The following PTPRT variants were observed in gnomAD, a reference collection of about 807,000 sequenced individuals.
The protein encoded by PTPRT is protein tyrosine phosphatase receptor type T.
Under a neutral mutation model 176.8 loss-of-function variants are expected in PTPRT, and 56 were observed. The ratio of observed to expected loss-of-function variants is 0.32; its 90% CI spans 0.26 to 0.40. PTPRT has a LOEUF of 0.40. Ranked by LOEUF, PTPRT falls within the 10% of genes least tolerant of loss-of-function variation. The probability of loss-of-function intolerance (pLI) is 1.00; values close to 1 mark genes in which losing one functional copy is unlikely to be tolerated. For synonymous variants in PTPRT, 783 were observed against 739.0 expected (o/e 1.06, Z -0.96); for missense variants, 1,540 against 1,908.2 (o/e 0.81, Z 3.60).
intron 1 of PTPRT, among the ~76,000 whole-genome samples, chr20:43,127,106 C>T (rs1252160900): frequency 6.6e-6 from 1 of 151,932 alleles, no homozygotes; most frequent in Non-Finnish European, 1.5e-5. Flanking sequence ...CCTCCTAATC[C>T]CTAAACAAGA....
chr20:42,468,948 C>T (rs1208070090), intron 8 of PTPRT, among the ~76,000 whole-genome samples: 1 of 152,176 alleles, frequency 6.6e-6, no homozygotes, highest in Non-Finnish European at 1.5e-5. Flanking sequence ...TTTTGAGCAT[C>T]TACAGTGTAT....
At chr20:42,694,882 T>G (rs1160021181) in intron 6 of PTPRT, among the ~76,000 whole-genome samples, 1 of 152,194 alleles carries the variant, frequency 6.6e-6, no homozygotes, top group African/African-American at 2.4e-5. Context: ...ATGTCTACTG[T>G]GGCTACAGTC....
At chr20:42,350,773 C>T in intron 10 of PTPRT, 43 bp from the exon 11 acceptor site, 12 of 1,441,828 alleles carry the variant, frequency 8.3e-6, no homozygotes, top group Non-Finnish European at 1.2e-5. Context: ...AGCACAGATT[C>T]CCAACTGGCT....
intron 1 of PTPRT, among the ~76,000 whole-genome samples, chr20:43,111,375 T>TAA (rs922437930): frequency 6.9e-6 from 1 of 144,476 alleles, no homozygotes; most frequent in Non-Finnish European, 1.5e-5. Context: ...CCGTCTCTGC[T>TAA]AAAAAAAAAA....
intron 16 of PTPRT, among the ~76,000 whole-genome samples, chr20:42,195,384 C>A (rs1991173175): frequency 6.6e-6 from 1 of 152,226 alleles, no homozygotes; most frequent in Admixed American, 6.5e-5. Flanking sequence ...GCCAGACAGT[C>A]ACTTCCCTAA....
At chr20:42,221,156 A>G (rs1275888439) in intron 15 of PTPRT, among the ~76,000 whole-genome samples, 3 of 152,164 alleles carry the variant, frequency 2.0e-5, no homozygotes, top group Non-Finnish European at 2.9e-5. Flanking sequence ...GGCATGCACC[A>G]TCACACCCAG....
At chr20:42,491,118 A>T (rs2071555563) in intron 7 of PTPRT, among the ~76,000 whole-genome samples, 1 of 152,132 alleles carries the variant, frequency 6.6e-6, no homozygotes, top group African/African-American at 2.4e-5. Flanking sequence ...AGCCCCATAT[A>T]ATTATTATTT....
At chr20:42,973,853 C>T (rs1185301949) in intron 1 of PTPRT, among the ~76,000 whole-genome samples, 1 of 152,172 alleles carries the variant, frequency 6.6e-6, no homozygotes, top group African/African-American at 2.4e-5. Flanking sequence ...TTTACCAGTA[C>T]TCCATTTATT....
chr20:43,074,219 A>G (rs537319571), intron 1 of PTPRT, among the ~76,000 whole-genome samples: 1 of 152,346 alleles, frequency 6.6e-6, no homozygotes, highest in East Asian at 1.9e-4. Context: ...TAATTGACTT[A>G]ACCAATTCTT....
chr20:43,084,779 A>G (rs2011560562), intron 1 of PTPRT, among the ~76,000 whole-genome samples: 1 of 152,252 alleles, frequency 6.6e-6, no homozygotes, highest in Non-Finnish European at 1.5e-5. Flanking sequence ...CCATATCTTA[A>G]GGGAGAAAAA....
rs6030683 is a variant in PTPRT at position 43,184,508 on chromosome 20, G to A, written c.88+5138C>T. 6.3e-3 allele frequency among the ~76,000 whole-genome samples: 952 copies of A among 152,244 alleles called. 14 individuals carry two copies. The highest frequency in any genetic ancestry group is 0.021 in the African/African-American group (886 of 41,536). ...TTGAGACCATCCTGGCTAACACGGT[G>A]AAACTCTGTCTCTACTAAAAATACA... On this transcript the variant is annotated intron_variant, in intron 1 of 30. Coordinates refer to ENST00000373187, the MANE Select transcript of PTPRT (RefSeq NM_007050.6).
intron 12 of PTPRT, among the ~76,000 whole-genome samples, chr20:42,310,688 C>T (rs1426605310): frequency 1.3e-5 from 2 of 152,082 alleles, no homozygotes; most frequent in African/African-American, 4.8e-5. Context: ...CTCTATGATG[C>T]TATAGTTCTA....
rs574990260 is a variant in PTPRT, at chr20:42,300,211, T to G, written c.2139+15512A>C. Among the ~76,000 whole-genome samples the G allele has an allele frequency of 1.0e-3, 138 of 132,930 alleles. 1 individual carries two copies. The highest frequency in any genetic ancestry group is 1.7e-3 in the Non-Finnish European group (115 of 65,822). The allele number at this position is 132,930 out of a possible 152,430, so 87.2% of individuals were successfully genotyped here. ...AGGCAGAGGTTGTAGTGAGCCAAGA[T>G]CACGCCATTGTACTCCGGCCTGGGC... On this transcript the variant is annotated intron_variant, in intron 12 of 30. Transcript: ENST00000373187.
At chr20:43,098,966 C>T (rs1328385204) in intron 1 of PTPRT, among the ~76,000 whole-genome samples, 1 of 151,978 alleles carries the variant, frequency 6.6e-6, no homozygotes, top group Non-Finnish European at 1.5e-5. Context: ...TGCAGTATAC[C>T]ACATTGGTCT....
At chr20:43,036,971 A>G (rs1273590929) in intron 1 of PTPRT, among the ~76,000 whole-genome samples, 4 of 152,372 alleles carry the variant, frequency 2.6e-5, no homozygotes, top group South Asian at 4.1e-4. Context: ...ATTGATTCAT[A>G]TAATAGCTGG....
intron 7 of PTPRT, among the ~76,000 whole-genome samples, chr20:42,657,753 C>T (rs555400784): frequency 5.3e-5 from 8 of 152,262 alleles, no homozygotes; most frequent in African/African-American, 1.9e-4. Flanking sequence ...AGAGGGACAA[C>T]CTTGCTCCCT....
intron 4 of PTPRT, among the ~76,000 whole-genome samples, chr20:42,775,797 T>C (rs746855237): frequency 1.8e-4 from 28 of 152,206 alleles, no homozygotes; most frequent in Non-Finnish European, 1.0e-4. Flanking sequence ...TCTGACCATA[T>C]GTTAATAGAA....
intron 2 of PTPRT, among the ~76,000 whole-genome samples, chr20:42,866,517 C>A (rs1401307021): frequency 4.6e-5 from 7 of 152,158 alleles, no homozygotes; most frequent in Non-Finnish European, 8.8e-5. Context: ...TGGTCCACTG[C>A]CTTCCTTCCC....
At chr20:42,498,067 CG>C (rs2071686374) in intron 7 of PTPRT, among the ~76,000 whole-genome samples, 1 of 152,028 alleles carries the variant, frequency 6.6e-6, no homozygotes, top group Admixed American at 6.6e-5. Context: ...ATGGGTATCA[CG>C]GTGTTTTTCA....
Sources: allele counts gnomAD v4.1 joint callset (sites outside exome capture counted in the v4.1 genomes callset), GRCh38; gene constraint gnomAD v4.1.1; transcripts MANE v1.5; gene names NCBI Gene and HGNC (gene_info 2026-07-23, HGNC 2026-07-21).